Variants in SLC22A17 observed in about 807,000 individuals in gnomAD.
The protein encoded by SLC22A17 is solute carrier family 22 member 17, also known as 24p3 receptor.
A neutral mutation model predicts 53.6 loss-of-function variants in SLC22A17; 38 were observed. The ratio of observed to expected loss-of-function variants is 0.71; its 90% CI spans 0.55 to 0.93. The LOEUF (loss-of-function observed/expected upper bound fraction) is 0.93. Among genes scored for constraint, SLC22A17 ranks in the 40% least tolerant of loss-of-function variants. The probability of loss-of-function intolerance (pLI) is 0.00; values close to 1 mark genes in which losing one functional copy is unlikely to be tolerated. For synonymous variants in SLC22A17, 379 were observed against 353.0 expected (o/e 1.07, Z -0.82); for missense variants, 704 against 791.0 (o/e 0.89, Z 1.32).
intron 9 of SLC22A17, 22 bp from the exon 10 acceptor site, chr14:23,346,958 G>A (rs765504283): frequency 1.1e-5 from 17 of 1,521,584 alleles, no homozygotes; most frequent in African/African-American, 1.4e-5. Context: ...CAGAGGAGGA[G>A]CTCAGCCCAC....
chr14:23,347,407 G>T lies in SLC22A17; in HGVS notation c.1549+53C>A. The T allele has an allele frequency of 6.3e-7, 1 of 1,588,818 alleles. No individual in the cohort carries two copies. Among genetic ancestry groups the T allele is most frequent in the Non-Finnish European group, 8.6e-7 (1 of 1,166,982 alleles). ...GTGGAAGAGCTGGGCAGGGTCTGGG[G>T]CTTGTCTTGGGAGGCCTGTGCCAGA... On this transcript the variant is annotated intron_variant, in intron 8 of 9. Transcript: ENST00000397267. The surrounding 1 kb of genome is among the most constrained non-coding windows in gnomAD (Gnocchi z 5.1).
Position 23,347,286 on chromosome 14 carries a change from T to G in SLC22A17, c.1550-74A>C, listed in dbSNP as rs1889279367. ...TGGCCTAGTCCCGGGTGTCATCCCC[T>G]TGGCTCTCTGTTCCCATGGCTCTAG... On this transcript the variant is annotated intron_variant, in intron 8 of 9. Transcript: ENST00000397267. This position sits in a 1 kb window ranked among gnomAD's most constrained non-coding sequence, Gnocchi z 5.1. The G allele has an allele frequency of 4.7e-6, 7 of 1,492,288 alleles. No individual in the cohort carries two copies. In the Admixed American group the frequency reaches 7.9e-5, roughly 17 times the overall value. The allele number at this position is 1,492,288 out of a possible 1,614,324, so 92.4% of individuals were successfully genotyped here.
At chr14:23,349,092 A>AG in intron 4 of SLC22A17, 180 bp downstream of exon 4, 1 of 736,002 alleles carries the variant, frequency 1.4e-6, no homozygotes, top group South Asian at 1.7e-5. Context: ...GATTGTCGGG[A>AG]GGGGGAGATA....
Position 23,347,051 on chromosome 14 carries a change from CG to C in SLC22A17, c.1661+49del. 6.5e-7 allele frequency: 1 copy of C among 1,544,312 alleles called. No homozygotes were observed. The highest frequency in any genetic ancestry group is 1.2e-5 in the South Asian group (1 of 81,734). Reference sequence around the variant, plus strand: ...TGTCCTCAGGGGTGGGGTGGGGGAGCGGGAGGCGAGGGGGCCCGGCTCTGCC... The same window carrying C: ...TGTCCTCAGGGGTGGGGTGGGGGAGCGGAGGCGAGGGGGCCCGGCTCTGCC... On this transcript the variant is annotated intron_variant, in intron 9 of 9. Coordinates refer to ENST00000397267, the Ensembl canonical transcript of SLC22A17. The surrounding 1 kb of genome is among the most constrained non-coding windows in gnomAD (Gnocchi z 5.1).
chr14:23,347,302 A>T lies in SLC22A17; in HGVS notation c.1550-90T>A. On this transcript the variant is annotated intron_variant, in intron 8 of 9. Transcript: ENST00000397267. This position sits in a 1 kb window ranked among gnomAD's most constrained non-coding sequence, Gnocchi z 5.1. ...GTCATCCCCTTGGCTCTCTGTTCCC[A>T]TGGCTCTAGCTGGGCAGGCTCTGGG... 6.8e-7 allele frequency: 1 copy of T among 1,479,192 alleles called. No individual in the cohort carries two copies. The highest frequency in any genetic ancestry group is 1.3e-5 in the South Asian group (1 of 76,802). 91.6% of individuals were successfully genotyped at this position (1,479,192 alleles called of 1,614,324 possible).
rs746783888 is a variant in SLC22A17 at position 23,348,257 on chromosome 14, G to T, written c.1075C>A (p.Gln359Lys). 3 of 1,614,150 alleles carry T rather than the reference G, an allele frequency of 1.9e-6. No homozygotes were observed. In the Admixed American group the frequency reaches 5.0e-5, roughly 27 times the overall value. Residue 359 changes from glutamine (Q) to lysine (K), a missense_variant, in exon 6 of 10, where the codon CAG becomes AAG. Physicochemically the swap from Gln to Lys is moderately conservative, Grantham distance 53 (BLOSUM62 1). Around this residue, in one of 4 missense-constraint regions of SLC22A17, gnomAD observed 435 missense variants for 529.0 expected, o/e 0.82. Coordinates refer to ENST00000397267, the Ensembl canonical transcript of SLC22A17. This position sits in a 1 kb window ranked among gnomAD's most constrained non-coding sequence, Gnocchi z 4.5. ...AGCACAGACTGAGCCTCCTCAATCT[G>T]CCGCTTCACTATCAGCCACCGTGCG...
chr14:23,349,521 TGAGAATGAAGTTCTGG>T, intron 3 of SLC22A17, 95 bp from the exon 4 acceptor site: 1 of 1,410,634 alleles, frequency 7.1e-7, no homozygotes, highest in Non-Finnish European at 9.5e-7. Flanking sequence ...GCTAGAGGTA[TGAGAATGAAGTTCTGG>T]GAGCAAGAGT....
At chr14:23,351,404 A>T (rs1355702781) in intron 3 of SLC22A17, 1 of 208,636 alleles carries the variant, frequency 4.8e-6, no homozygotes, top group East Asian at 1.2e-4. Context: ...ATCTTCAGGA[A>T]TGAGGTCACT....
In SLC22A17 at chr14:23,346,786, CA is replaced by C; in HGVS notation, c.1811del (p.Leu604ArgfsTer71). 1 of 1,543,052 alleles carries C rather than the reference CA, an allele frequency of 6.5e-7. No individual in the cohort carries two copies. The highest frequency in any genetic ancestry group is 8.7e-7 in the Non-Finnish European group (1 of 1,150,616). On this transcript the variant is annotated frameshift_variant, in exon 10 of 10. Transcript: ENST00000397267. LOFTEE classifies it high-confidence loss of function. Reference sequence around the variant, plus strand: ...GCAGGAGCTTGCGCTTGGTCTCCGGCAGCAGCATAATGCTGAGAATGCAGAG... The same window carrying C: ...GCAGGAGCTTGCGCTTGGTCTCCGGCGCAGCATAATGCTGAGAATGCAGAG...
chr14:23,352,248 G>T lies in SLC22A17; in HGVS notation c.300C>A (p.Leu100=). The T allele has an allele frequency of 6.9e-7, 1 of 1,439,560 alleles. No homozygotes were observed. Among genetic ancestry groups the T allele is most frequent in the East Asian group, 2.7e-5 (1 of 36,806 alleles). 89.2% of individuals were successfully genotyped at this position (1,439,560 alleles called of 1,614,324 possible). A position where few individuals can be genotyped will look rare whatever the true frequency, so the allele number is the denominator to read the frequency against. ...CCACGAAGAGCACCGGCAGGCAGCA[G>T]AGGCCGAGCTGCAGCTGCTGGCCGC... The change falls in exon 2 of 10, where the codon CTC becomes CTA. Residue 100 remains leucine, a synonymous_variant. Transcript: ENST00000397267. The surrounding 1 kb of genome is among the most constrained non-coding windows in gnomAD (Gnocchi z 7.2).
Position 23,347,736 on chromosome 14 carries a change from G to A in SLC22A17, c.1278-5C>T, listed in dbSNP as rs770911298. ...CGAATGGCATGGGCAATGAAGCTGT[G>A]AGAAGGGGTGGGGAAGCAACGAACA... On this transcript the variant is annotated splice_region_variant and splice_polypyrimidine_tract_variant and intron_variant, in intron 7 of 9. Coordinates refer to ENST00000397267, the Ensembl canonical transcript of SLC22A17. The surrounding 1 kb of genome is among the most constrained non-coding windows in gnomAD (Gnocchi z 5.1). The A allele has an allele frequency of 8.7e-6, 14 of 1,613,014 alleles. No homozygotes were observed. The Admixed American group carries it at 2.3e-4, about 27-fold the overall frequency.
chr14:23,347,716 G>A lies in SLC22A17; in HGVS notation c.1293C>T (p.Ala431=), dbSNP rs928690935. Residue 431 remains alanine, a synonymous_variant, in exon 8 of 10, where the codon GCC becomes GCT. Coordinates refer to ENST00000397267, the Ensembl canonical transcript of SLC22A17. This position sits in a 1 kb window ranked among gnomAD's most constrained non-coding sequence, Gnocchi z 5.1. Reference sequence around the variant, plus strand: ...CCACAGGCTGGTAGCAGTGGCGAATGGCATGGGCAATGAAGCTGTGAGAAG... The same window carrying A: ...CCACAGGCTGGTAGCAGTGGCGAATAGCATGGGCAATGAAGCTGTGAGAAG... 6.2e-7 allele frequency: 1 copy of A among 1,613,736 alleles called. No homozygotes were observed. Among genetic ancestry groups the A allele is most frequent in the Non-Finnish European group, 8.5e-7 (1 of 1,179,900 alleles).
intron 3 of SLC22A17, 39 bp downstream of exon 3, chr14:23,351,713 C>G (rs771459884): frequency 3.8e-6 from 6 of 1,570,346 alleles, no homozygotes; most frequent in East Asian, 2.3e-5. Flanking sequence ...CCTAGCACCC[C>G]CTCCTTTCTA....
chr14:23,347,184 G>A lies in SLC22A17; in HGVS notation c.1578C>T (p.Phe526=). 1 of 1,613,946 alleles carries A rather than the reference G, an allele frequency of 6.2e-7. No individual in the cohort carries two copies. The highest frequency in any genetic ancestry group is 8.5e-7 in the Non-Finnish European group (1 of 1,179,970). Residue 526 remains phenylalanine, a synonymous_variant, in exon 9 of 10, where the codon TTC becomes TTT. Coordinates refer to ENST00000397267, the Ensembl canonical transcript of SLC22A17. This position sits in a 1 kb window ranked among gnomAD's most constrained non-coding sequence, Gnocchi z 5.1. ...GGGAGGAGAAGAGCCCAAGGACAGA[G>A]AAAGTGGTGATGGCAGCCTCGTTCA...
Position 23,349,262 on chromosome 14 carries a change from T to A in SLC22A17, c.859+10A>T, listed in dbSNP as rs776491774. The A allele has an allele frequency of 6.2e-7, 1 of 1,612,990 alleles. No homozygotes were observed. Among genetic ancestry groups the A allele is most frequent in the South Asian group, 1.1e-5 (1 of 91,014 alleles). ...CCCAAGGGAGGGAATTCTGGGAGGGTGCCACTTACGCATCAGGTAGACACC... is the reference window on the plus strand; with the variant it reads ...CCCAAGGGAGGGAATTCTGGGAGGGAGCCACTTACGCATCAGGTAGACACC... On this transcript the variant is annotated intron_variant, in intron 4 of 9. Transcript: ENST00000397267.
At position 23,348,127 on chromosome 14, in the gene SLC22A17, T is replaced by G. The variant is rs752733631; in HGVS notation, c.1171+34A>C. 55 of 1,613,140 alleles carry G rather than the reference T, an allele frequency of 3.4e-5. No homozygotes were observed. The highest frequency in any genetic ancestry group is 1.2e-4 in the Admixed American group (7 of 59,972). ...CAGAGGGCACCATCATGTGTGCAAG[T>G]GAGGCAACACTCACAGGGATCCCTG... On this transcript the variant is annotated intron_variant, in intron 6 of 9. Transcript: ENST00000397267. This position sits in a 1 kb window ranked among gnomAD's most constrained non-coding sequence, Gnocchi z 4.5.
chr14:23,347,818 C>T lies in SLC22A17; in HGVS notation c.1277+73G>A. On this transcript the variant is annotated intron_variant, in intron 7 of 9. Coordinates refer to ENST00000397267, the Ensembl canonical transcript of SLC22A17. This position sits in a 1 kb window ranked among gnomAD's most constrained non-coding sequence, Gnocchi z 5.1. ...GTGCTGATGGTCCTCCGCAGGGGTC[C>T]CCGGGCCTTCCCACCCAGCCAGCCC... 1 of 1,611,624 alleles carries T rather than the reference C, an allele frequency of 6.2e-7. No individual in the cohort carries two copies. The highest frequency in any genetic ancestry group is 1.7e-5 in the Admixed American group (1 of 59,976).
chr14:23,349,460 C>T (rs777545708), intron 3 of SLC22A17, 34 bp from the exon 4 acceptor site: 1 of 1,588,506 alleles, frequency 6.3e-7, no homozygotes, highest in Non-Finnish European at 8.6e-7. Flanking sequence ...GTCACCCAGA[C>T]TCTCTGGTGG....
At chr14:23,350,070 C>A (rs1013887462) in intron 3 of SLC22A17, among the ~76,000 whole-genome samples, 2 of 152,056 alleles carry the variant, frequency 1.3e-5, no homozygotes, top group African/African-American at 4.8e-5. Context: ...CTTTGGGAGG[C>A]CGAGGCTGGC....
Sources: allele counts gnomAD v4.1 joint callset (sites outside exome capture counted in the v4.1 genomes callset), GRCh38; gene constraint gnomAD v4.1.1; regional missense constraint gnomAD v4.1.1; non-coding constraint Gnocchi (gnomAD v3.1); transcripts MANE v1.5; gene names NCBI Gene and HGNC (gene_info 2026-07-23, HGNC 2026-07-21).